DACH2: variants seen among roughly 807,000 people sequenced by gnomAD.
DACH2 encodes the protein dachshund homolog 2.
DACH2 carries 17 observed loss-of-function variants against 35.8 expected under a neutral mutation model. That is an observed-to-expected ratio of 0.48 (90% CI 0.33 to 0.71). DACH2 has a LOEUF of 0.71. Ranked by LOEUF, DACH2 falls within the 30% of genes least tolerant of loss-of-function variation. DACH2 has a pLI of 0.02. For synonymous variants in DACH2, 195 were observed against 177.3 expected, an observed-to-expected ratio of 1.10 and a Z score of -0.79; for missense variants, 469 against 472.7, an observed-to-expected ratio of 0.99 and a Z score of 0.07.
chrX:86,669,830 A>G (rs1298290344), intron 4 of DACH2, among the ~76,000 whole-genome samples: 2 of 111,333 alleles, frequency 1.8e-5, no homozygotes, highest in East Asian at 5.6e-4. Context: ...CACACTGCCA[A>G]GCAGTAGAGT....
intron 3 of DACH2, among the ~76,000 whole-genome samples, chrX:86,610,665 C>G (rs1369041313): frequency 9.1e-6 from 1 of 109,821 alleles, no homozygotes; most frequent in East Asian, 2.9e-4. Context: ...CCAGGCTGGT[C>G]TTGAACTCCT....
At chrX:86,785,982 A>G (rs1427819505) in intron 7 of DACH2, among the ~76,000 whole-genome samples, 1 of 111,482 alleles carries the variant, frequency 9.0e-6, no homozygotes, top group Non-Finnish European at 1.9e-5. Flanking sequence ...ATATCACAAG[A>G]AGAAACTCTC....
intron 4 of DACH2, among the ~76,000 whole-genome samples, chrX:86,666,293 A>ATGTG (rs143997734): frequency 5.6e-4 from 50 of 89,509 alleles, no homozygotes; most frequent in East Asian, 1.0e-3. Context: ...TTGGAGTGGG[A>ATGTG]TGTGTGTGTG....
At chrX:86,196,692 C>CA (rs56268300) in intron 1 of DACH2, among the ~76,000 whole-genome samples, 432 of 27,330 alleles carry the variant, frequency 0.016, 58 homozygotes, top group East Asian at 0.066. Flanking sequence ...GACTCCATCT[C>CA]AAAAAAAAAA....
chrX:86,274,945 A>C (rs1210291574), intron 1 of DACH2, among the ~76,000 whole-genome samples: 1 of 112,048 alleles, frequency 8.9e-6, no homozygotes, highest in Non-Finnish European at 1.9e-5. Flanking sequence ...AATGAATACA[A>C]AAGGATTTGA....
intron 2 of DACH2, among the ~76,000 whole-genome samples, chrX:86,415,658 TA>T (rs2036692077): frequency 8.9e-6 from 1 of 111,768 alleles, no homozygotes; most frequent in Non-Finnish European, 1.9e-5. Context: ...GGAAATACTT[TA>T]AAGAAGATTT....
chrX:86,765,206 C>T (rs774638972), intron 7 of DACH2, among the ~76,000 whole-genome samples: 104 of 111,414 alleles, frequency 9.3e-4, no homozygotes, highest in Middle Eastern at 4.6e-3. Flanking sequence ...ATTTATTTTG[C>T]TGGGCATAAG....
chrX:86,568,382 T>C (rs1343001629), intron 3 of DACH2, among the ~76,000 whole-genome samples: 3 of 111,089 alleles, frequency 2.7e-5, no homozygotes, highest in African/African-American at 9.8e-5. Flanking sequence ...GGTGTTATGA[T>C]GTATGGAGTC....
chrX:86,769,549 AT>A (rs1200223883), intron 7 of DACH2, among the ~76,000 whole-genome samples: 2 of 111,895 alleles, frequency 1.8e-5, no homozygotes, highest in African/African-American at 6.5e-5. Context: ...ACTACAACTA[AT>A]TTTTAGAAAA....
intron 1 of DACH2, among the ~76,000 whole-genome samples, chrX:86,376,317 T>G (rs779151403): frequency 1.8e-5 from 2 of 109,974 alleles, no homozygotes; most frequent in African/African-American, 6.6e-5. Flanking sequence ...TTGGCTTACT[T>G]TCATCATCCT....
intron 5 of DACH2, among the ~76,000 whole-genome samples, chrX:86,698,514 G>GTTTTTTTT (rs1345238527): frequency 0.02 from 685 of 34,280 alleles, 39 homozygotes; most frequent in Non-Finnish European, 0.029. Context: ...TGTTTTGTTA[G>GTTTTTTTT]TTTTGTGTTT....
At chrX:86,580,043 G>A (rs778099403) in intron 3 of DACH2, among the ~76,000 whole-genome samples, 18 of 111,281 alleles carry the variant, frequency 1.6e-4, no homozygotes, top group Non-Finnish European at 2.6e-4. Flanking sequence ...CTAACCTTGA[G>A]GGGCCAGTGA....
At chrX:86,736,893 A>G (rs892912015) in intron 6 of DACH2, among the ~76,000 whole-genome samples, 6 of 111,523 alleles carry the variant, frequency 5.4e-5, no homozygotes, top group African/African-American at 2.0e-4. Context: ...ACATATTTAA[A>G]GGAAATTTTC....
intron 2 of DACH2, among the ~76,000 whole-genome samples, chrX:86,474,129 C>A (rs1451614997): frequency 8.9e-6 from 1 of 111,775 alleles, no homozygotes; most frequent in African/African-American, 3.3e-5. Context: ...TGTTGACCAC[C>A]TTTTCATATG....
At chrX:86,806,363 T>C (rs1221433719) in intron 7 of DACH2, among the ~76,000 whole-genome samples, 1 of 110,878 alleles carries the variant, frequency 9.0e-6, no homozygotes, top group Non-Finnish European at 1.9e-5. Flanking sequence ...TCACTCACTG[T>C]CTTGAGAACT....
chrX:86,832,041 A>T, intron 11 of DACH2, 65 bp from the exon 12 acceptor site: 1 of 749,059 alleles, frequency 1.3e-6, no homozygotes, highest in East Asian at 3.3e-5. Context: ...TAGAAGTTTT[A>T]GTATTTTTAA....
chrX:86,303,968 C>T (rs1021935372), intron 1 of DACH2, among the ~76,000 whole-genome samples: 10 of 111,105 alleles, frequency 9.0e-5, no homozygotes, highest in African/African-American at 2.9e-4. Context: ...ATCACACTAC[C>T]TGACTTCAAA....
intron 2 of DACH2, among the ~76,000 whole-genome samples, chrX:86,454,149 T>C (rs1189952528): frequency 9.0e-6 from 1 of 111,291 alleles, no homozygotes; most frequent in Non-Finnish European, 1.9e-5. Flanking sequence ...AGGTCTGCCG[T>C]TATTCTGGTG....
In DACH2 at chrX:86,194,742, G is replaced by A. The variant is rs1266128853; in HGVS notation, c.488+45634G>A. Among the ~76,000 whole-genome samples, 7 of 112,637 alleles carry A rather than the reference G, an allele frequency of 6.2e-5. 1 individual carries two copies. The highest frequency in any genetic ancestry group is 5.6e-4 in the East Asian group (2 of 3,548). ...TGATGTGGAGCCCAGAGGGTTTGGC[G>A]CAGGAGTGTCTGTAACAAAGCATGG... is the stretch of plus-strand genomic sequence containing the variant. On this transcript the variant is annotated intron_variant, in intron 1 of 11. Transcript: ENST00000373125.
Sources: allele counts gnomAD v4.1 joint callset (sites outside exome capture counted in the v4.1 genomes callset), GRCh38; gene constraint gnomAD v4.1.1; transcripts MANE v1.5; gene names NCBI Gene and HGNC (gene_info 2026-07-23, HGNC 2026-07-21).